The following IMMP2L variants were observed in gnomAD, a reference collection of about 807,000 sequenced individuals.
IMMP2L encodes the protein inner mitochondrial membrane peptidase subunit 2.
A neutral mutation model predicts 19.3 loss-of-function variants in IMMP2L; 18 were observed. The ratio of observed to expected loss-of-function variants is 0.93; its 90% CI spans 0.64 to 1.38. The LOEUF (loss-of-function observed/expected upper bound fraction) is 1.38, where lower values mean the gene tolerates loss of function less well. Ranked by LOEUF, IMMP2L falls within the 40% of genes most tolerant of loss-of-function variation. IMMP2L has a pLI of 0.00. For synonymous variants in IMMP2L, 76 were observed against 73.0 expected (o/e 1.04, Z -0.21); for missense variants, 233 against 218.2 (o/e 1.07, Z -0.43).
intron 4 of IMMP2L, chr7:110,962,972 A>T: frequency 6.8e-7 from 1 of 1,470,408 alleles, no homozygotes; most frequent in Non-Finnish European, 8.9e-7. Context: ...TACAATAAAT[A>T]CGACATTACT....
At chr7:111,535,000 C>A (rs1457366317) in intron 1 of IMMP2L, among the ~76,000 whole-genome samples, 3 of 152,100 alleles carry the variant, frequency 2.0e-5, no homozygotes, top group Non-Finnish European at 4.4e-5. Flanking sequence ...GGGTTTCAAG[C>A]TAAGACTGAT....
intron 3 of IMMP2L, among the ~76,000 whole-genome samples, chr7:111,078,596 T>A (rs772299422): frequency 6.6e-6 from 1 of 152,134 alleles, no homozygotes; most frequent in Non-Finnish European, 1.5e-5. Flanking sequence ...GGCAAAAAAA[T>A]GTACCAAAGT....
chr7:111,279,771 A>T (rs1480362616), intron 3 of IMMP2L, among the ~76,000 whole-genome samples: 1 of 152,118 alleles, frequency 6.6e-6, no homozygotes, highest in East Asian at 1.9e-4. Flanking sequence ...ATAAACAGAC[A>T]TATAAAGAGG....
chr7:111,480,876 T>C (rs967628071), intron 3 of IMMP2L, among the ~76,000 whole-genome samples: 9 of 152,184 alleles, frequency 5.9e-5, no homozygotes, highest in African/African-American at 2.2e-4. Context: ...GGCCAAAACA[T>C]GAAATTCCAT....
intron 3 of IMMP2L, among the ~76,000 whole-genome samples, chr7:111,462,516 T>G (rs1057463942): frequency 2.0e-5 from 3 of 152,156 alleles, no homozygotes; most frequent in East Asian, 1.9e-4. Context: ...ATTAAAAATT[T>G]TTTTTGAATT....
intron 3 of IMMP2L, among the ~76,000 whole-genome samples, chr7:111,283,086 C>T (rs1046086288): frequency 1.3e-5 from 2 of 152,000 alleles, no homozygotes; most frequent in African/African-American, 4.8e-5. Flanking sequence ...ATAAAAAAAC[C>T]TCAATGAATT....
intron 5 of IMMP2L, among the ~76,000 whole-genome samples, chr7:110,756,667 T>G (rs1294972000): frequency 6.6e-6 from 1 of 152,144 alleles, no homozygotes; most frequent in Non-Finnish European, 1.5e-5. Flanking sequence ...TTTAAAATTA[T>G]ACTCATGCGT....
intron 3 of IMMP2L, among the ~76,000 whole-genome samples, chr7:111,473,823 A>G (rs921840280): frequency 1.8e-4 from 28 of 152,176 alleles, no homozygotes; most frequent in Admixed American, 5.9e-4. Context: ...TACTGGGCAT[A>G]TATCAAAAGG....
chr7:111,274,685 A>AAG, intron 3 of IMMP2L, among the ~76,000 whole-genome samples: 1 of 152,298 alleles, frequency 6.6e-6, no homozygotes, highest in Non-Finnish European at 1.5e-5. Context: ...TATATCTCAA[A>AAG]AGAGAGAAGG....
At chr7:111,296,317 T>C (rs551021214) in intron 3 of IMMP2L, among the ~76,000 whole-genome samples, 1 of 151,878 alleles carries the variant, frequency 6.6e-6, no homozygotes, top group South Asian at 2.1e-4. Context: ...CACAGTGAAA[T>C]ACCAATACAT....
At chr7:110,685,137 T>C (rs1440067597) in intron 5 of IMMP2L, among the ~76,000 whole-genome samples, 1 of 152,102 alleles carries the variant, frequency 6.6e-6, no homozygotes, top group Non-Finnish European at 1.5e-5. Context: ...AAAAAAATCC[T>C]GATAGTTCAG....
At chr7:111,072,834 C>A (rs767515842) in intron 3 of IMMP2L, among the ~76,000 whole-genome samples, 4 of 148,742 alleles carry the variant, frequency 2.7e-5, no homozygotes, top group Non-Finnish European at 4.4e-5. Flanking sequence ...GGCGGAGCAG[C>A]GGAGCTTGCA....
chr7:111,396,066 T>G (rs1372698516), intron 3 of IMMP2L, among the ~76,000 whole-genome samples: 1 of 152,094 alleles, frequency 6.6e-6, no homozygotes, highest in Non-Finnish European at 1.5e-5. Context: ...TTGTGGAAGA[T>G]AGTGTGGCAA....
At chr7:111,364,503 G>A (rs1829572924) in intron 3 of IMMP2L, among the ~76,000 whole-genome samples, 1 of 151,726 alleles carries the variant, frequency 6.6e-6, no homozygotes, top group African/African-American at 2.4e-5. Context: ...AGGATTAAAT[G>A]AGGATGCTAT....
intron 3 of IMMP2L, among the ~76,000 whole-genome samples, chr7:111,481,290 G>A (rs1201153738): frequency 6.6e-6 from 1 of 152,158 alleles, no homozygotes; most frequent in Non-Finnish European, 1.5e-5. Context: ...CTTCTTTGGT[G>A]AGAATCAATG....
At chr7:111,019,980 A>G (rs1826110908) in intron 3 of IMMP2L, among the ~76,000 whole-genome samples, 2 of 151,976 alleles carry the variant, frequency 1.3e-5, no homozygotes, top group African/African-American at 4.8e-5. Flanking sequence ...CTTTCTCTAC[A>G]TAGCTCTTAG....
intron 3 of IMMP2L, among the ~76,000 whole-genome samples, chr7:111,374,185 G>C (rs1237971057): frequency 6.6e-6 from 1 of 152,076 alleles, no homozygotes; most frequent in Non-Finnish European, 1.5e-5. Flanking sequence ...ATATTGTCAG[G>C]TGTCTATAAA....
At chr7:111,183,997 G>C (rs1175728940) in intron 3 of IMMP2L, among the ~76,000 whole-genome samples, 2 of 151,924 alleles carry the variant, frequency 1.3e-5, no homozygotes, top group Admixed American at 1.3e-4. Flanking sequence ...ATAACACCTA[G>C]TTTGCACTGT....
chr7:110,917,637 G>A (rs1813757974), intron 4 of IMMP2L, among the ~76,000 whole-genome samples: 2 of 152,154 alleles, frequency 1.3e-5, no homozygotes, highest in Non-Finnish European at 2.9e-5. Flanking sequence ...ATCCTTCTTT[G>A]CTTGCATGTA....
Sources: gnomAD v4.1 joint callset for allele counts (sites outside exome capture counted in the v4.1 genomes callset) on GRCh38, gnomAD v4.1.1 for gene constraint, MANE v1.5 for transcripts, NCBI Gene and HGNC (gene_info 2026-07-23, HGNC 2026-07-21) for gene names.